TMEM67: variants seen among roughly 807,000 people sequenced by gnomAD.
TMEM67 encodes transmembrane protein 67.
TMEM67 carries 124 observed loss-of-function variants against 136.6 expected under a neutral mutation model. That is an observed-to-expected ratio of 0.91 (90% confidence interval 0.78 to 1.05). The LOEUF (loss-of-function observed/expected upper bound fraction) is 1.05, where lower values mean the gene tolerates loss of function less well. Among genes scored for constraint, TMEM67 ranks in the 50% least tolerant of loss-of-function variants. The pLI, the probability that TMEM67 is intolerant of heterozygous loss-of-function variation, is 0.00. For missense variants in TMEM67, 1,107 were observed against 1,178.4 expected (o/e 0.94, Z 0.89); for synonymous variants, 364 against 390.5 (o/e 0.93, Z 0.80).
Position 93,765,672 on chromosome 8 carries a change from C to G in TMEM67, c.651+26C>G, listed in dbSNP as rs368922069. On this transcript the variant is annotated intron_variant, in intron 6 of 27. Transcript: ENST00000453321. The stretch of plus-strand genomic sequence containing the variant: ...GTGAGTATGTTTCAATTTTTTTGTT[C>G]TGTTGTTAAAAAACTTTCTACATTT... The G allele has an allele frequency of 3.3e-5, 51 of 1,541,408 alleles. No individual in the cohort carries two copies. In the African/African-American group the frequency reaches 6.9e-4, roughly 21 times the overall value.
chr8:93,765,975 G>A (rs1813065763), intron 6 of TMEM67, among the ~76,000 whole-genome samples: 1 of 151,968 alleles, frequency 6.6e-6, no homozygotes, highest in Non-Finnish European at 1.5e-5. Context: ...TCATTAGTTT[G>A]GTATCCTTGG....
At chr8:93,819,139 T>A (rs988854012), downstream of TMEM67, 20 of 452,812 alleles carry the variant, frequency 4.4e-5, no homozygotes, top group Non-Finnish European at 8.8e-5. Context: ...TAACATTGAG[T>A]AAACTATGAA....
Position 93,765,589 on chromosome 8 carries a change from C to T in TMEM67, c.594C>T (p.Phe198=), listed in dbSNP as rs149290663. Residue 198 remains phenylalanine, a synonymous_variant, in exon 6 of 28, where the codon TTC becomes TTT. Transcript: ENST00000453321. ...TTATGAAGACAGGGGGATTATGTTT[C>T]AGCAGCACAGGGAATTTTCCTCTAC... ...EPNILTGGLC[F]SSTGNFPLRR... 2.5e-6 allele frequency: 4 copies of T among 1,612,850 alleles called. No individual in the cohort carries two copies. Among genetic ancestry groups the T allele is most frequent in the East Asian group, 2.2e-5 (1 of 44,854 alleles).
intron 15 of TMEM67, chr8:93,792,050 T>G (rs966210048): frequency 2.7e-4 from 42 of 153,474 alleles, no homozygotes; most frequent in African/African-American, 1.0e-3. Context: ...TTAGTAGAGA[T>G]GGGGTTTCTC....
rs575288126 is a variant in TMEM67 at position 93,781,001 on chromosome 8, A to G, written c.978+19A>G. On this transcript the variant is annotated intron_variant, in intron 9 of 27. Coordinates refer to ENST00000453321, the MANE Select transcript of TMEM67 (RefSeq NM_153704.6). The stretch of plus-strand genomic sequence containing the variant: ...AAACCAGGTAAAAGTGTCTAATATC[A>G]TTAGAGGATAACTACATTTTGATTT... The G allele has an allele frequency of 1.6e-5, 22 of 1,363,002 alleles. No homozygotes were observed. The African/African-American group carries it at 1.9e-4, about 11-fold the overall frequency. The allele number at this position is 1,363,002 out of a possible 1,614,324, so 84.4% of individuals were successfully genotyped here.
chr8:93,785,326 T>G lies in TMEM67; in HGVS notation c.1236T>G (p.Ala412=), dbSNP rs1242888146. 6.2e-7 allele frequency: 1 copy of G among 1,611,534 alleles called. No homozygotes were observed. The highest frequency in any genetic ancestry group is 2.2e-5 in the East Asian group (1 of 44,730). Residue 412 remains alanine, a synonymous_variant, in exon 12 of 28, where the codon GCT becomes GCG. Transcript: ENST00000453321. Reference sequence around the variant, plus strand: ...AAAATCAACATCAATATATTTTGGCTGTGCCTGTGTTAAACCTAAATCTTC... The same window carrying G: ...AAAATCAACATCAATATATTTTGGCGGTGCCTGTGTTAAACCTAAATCTTC... ...TDENQHQYIL[A]VPVLNLNLQH...
chr8:93,772,321 C>CT (rs1460401527), intron 6 of TMEM67, among the ~76,000 whole-genome samples: 1 of 152,036 alleles, frequency 6.6e-6, no homozygotes, highest in African/African-American at 2.4e-5. Context: ...TTGTTTGCCA[C>CT]TTTATTTTTT....
intron 21 of TMEM67, among the ~76,000 whole-genome samples, chr8:93,799,994 GCCTT>G (rs1187816464): frequency 5.4e-5 from 8 of 147,894 alleles, no homozygotes; most frequent in African/African-American, 2.0e-4. Flanking sequence ...TGCAGCCTCT[GCCTT>G]CCGGGTTCAA....
chr8:93,781,603 A>G (rs950688260), intron 9 of TMEM67, 55 bp from the exon 10 acceptor site: 2 of 779,788 alleles, frequency 2.6e-6, no homozygotes. Context: ...TCTTTATAGG[A>G]TATTGTATTA....
chr8:93,782,568 T>A, intron 11 of TMEM67, 108 bp downstream of exon 11: 1 of 798,080 alleles, frequency 1.3e-6, no homozygotes, highest in Non-Finnish European at 2.0e-6. Flanking sequence ...TTTTTTATTC[T>A]TGGTTTTTTT....
the TMEM67 span, among the ~76,000 whole-genome samples, chr8:93,825,226 C>G: frequency 6.6e-6 from 1 of 152,196 alleles, no homozygotes; most frequent in Non-Finnish European, 1.5e-5. Context: ...TTGACTGCTT[C>G]TGTGGTATGT....
chr8:93,754,898 C>T lies in TMEM67; in HGVS notation c.-17C>T. On this transcript the variant is annotated 5_prime_UTR_variant, in exon 1 of 28. Transcript: ENST00000453321. ...TGATGGGGGGCTGGAGGCTGTGAGG[C>T]TTCCAGCGTCGGTACCATGGCGACG... The T allele has an allele frequency of 1.2e-6, 2 of 1,611,780 alleles. No individual in the cohort carries two copies. The highest frequency in any genetic ancestry group is 1.1e-5 in the South Asian group (1 of 91,006).
At chr8:93,786,114 C>T (rs1031128950) in intron 12 of TMEM67, 109 bp from the exon 13 acceptor site, 28 of 1,027,192 alleles carry the variant, frequency 2.7e-5, no homozygotes, top group Non-Finnish European at 4.0e-5. Context: ...TAGAGAACGC[C>T]ATTGTCAGGT....
intron 15 of TMEM67, among the ~76,000 whole-genome samples, chr8:93,792,580 A>G (rs1161791511): frequency 6.6e-6 from 1 of 152,072 alleles, no homozygotes. Flanking sequence ...TTTTTTATTT[A>G]TTAATTTGGA....
At chr8:93,763,980 C>A in intron 4 of TMEM67, 39 bp downstream of exon 4, 2 of 1,208,088 alleles carry the variant, frequency 1.7e-6, no homozygotes, top group South Asian at 1.2e-5. Flanking sequence ...TTAATATCAT[C>A]TTATATTAGT....
intron 20 of TMEM67, among the ~76,000 whole-genome samples, chr8:93,797,953 GC>G (rs1814695507): frequency 6.6e-6 from 1 of 152,204 alleles, no homozygotes; most frequent in Admixed American, 6.5e-5. Flanking sequence ...TTGAACTCCA[GC>G]CTGGGCAGAA....
At chr8:93,796,619 T>C (rs1056734365) in intron 18 of TMEM67, among the ~76,000 whole-genome samples, 1 of 152,166 alleles carries the variant, frequency 6.6e-6, no homozygotes, top group Non-Finnish European at 1.5e-5. Context: ...AGTTTAAACA[T>C]ATTGCTTGTA....
chr8:93,764,577 A>G (rs1017928513), intron 4 of TMEM67, among the ~76,000 whole-genome samples: 4 of 152,040 alleles, frequency 2.6e-5, no homozygotes, highest in African/African-American at 9.7e-5. Flanking sequence ...TACCAATTTC[A>G]GCATCTTTAA....
chr8:93,814,819 C>G (rs910066103), intron 26 of TMEM67, among the ~76,000 whole-genome samples: 2 of 151,982 alleles, frequency 1.3e-5, no homozygotes, highest in African/African-American at 4.8e-5. Flanking sequence ...GTGTTCACAT[C>G]CCAATAAGGA....
Sources: allele counts gnomAD v4.1 joint callset (sites outside exome capture counted in the v4.1 genomes callset), GRCh38; gene constraint gnomAD v4.1.1; transcripts MANE v1.5; gene names NCBI Gene and HGNC (gene_info 2026-07-23, HGNC 2026-07-21).